The following LRBA variants were observed in gnomAD, a reference collection of about 807,000 sequenced individuals.
LRBA encodes the protein lipopolysaccharide-responsive and beige-like anchor protein.
In LRBA, 176 loss-of-function variants were observed where a neutral mutation model predicts 330.0. The ratio of observed to expected loss-of-function variants is 0.53; its 90% CI spans 0.47 to 0.60. The LOEUF is 0.60. Ranked by LOEUF, LRBA falls within the 20% of genes least tolerant of loss-of-function variation. The pLI, the probability that LRBA is intolerant of heterozygous loss-of-function variation, is 0.00. For missense variants in LRBA, 3,259 were observed against 3,444.8 expected, an observed-to-expected ratio of 0.95 and a Z score of 1.35; for synonymous variants, 1,230 against 1,193.0, an observed-to-expected ratio of 1.03 and a Z score of -0.64.
intron 40 of LRBA, chr4:150,579,156 A>G (rs1770895389): frequency 2.2e-6 from 1 of 450,658 alleles, no homozygotes; most frequent in African/African-American, 2.0e-5. Flanking sequence ...TCTCCTGCAG[A>G]AGGAGCTGCC....
chr4:150,551,284 C>G (rs1766555390), intron 40 of LRBA, among the ~76,000 whole-genome samples: 1 of 152,110 alleles, frequency 6.6e-6, no homozygotes, highest in Non-Finnish European at 1.5e-5. Flanking sequence ...TCTGTAATAG[C>G]AGCAGAGAAT....
At chr4:150,923,433 C>T (rs906625601) in intron 4 of LRBA, among the ~76,000 whole-genome samples, 2 of 152,270 alleles carry the variant, frequency 1.3e-5, no homozygotes, top group Admixed American at 6.5e-5. Flanking sequence ...CTTACCCAGC[C>T]TTTAGAGCTC....
In LRBA at chr4:150,694,462, C is replaced by CAAAAAAAAAAA. The variant is rs58558446; in HGVS notation, c.5755-10756_5755-10746dup. Among the ~76,000 whole-genome samples the CAAAAAAAAAAA allele has an allele frequency of 4.6e-4, 33 of 71,030 alleles. 6 individuals are homozygous for CAAAAAAAAAAA. In the East Asian group the frequency reaches 4.8e-3, roughly 10 times the overall value. The allele number at this position is 71,030 out of a possible 152,430, so 46.6% of individuals were successfully genotyped here. A position where few individuals can be genotyped will look rare whatever the true frequency, so the allele number is the denominator to read the frequency against. On this transcript the variant is annotated intron_variant, in intron 36 of 56. Transcript: ENST00000651943. ...CCTTACCTTAAAGTGTGATCTTTAA[C>CAAAAAAAAAAA]AAAAAAAAAAAAAAGCTATCTACAG...
At chr4:150,481,475 G>A (rs932808628) in intron 42 of LRBA, among the ~76,000 whole-genome samples, 1 of 151,964 alleles carries the variant, frequency 6.6e-6, no homozygotes, top group Admixed American at 6.6e-5. Flanking sequence ...AATTTGATGA[G>A]ATTTGAATAT....
intron 50 of LRBA, among the ~76,000 whole-genome samples, chr4:150,318,170 A>G (rs190197795): frequency 6.6e-6 from 1 of 152,156 alleles, no homozygotes; most frequent in East Asian, 1.9e-4. Context: ...TTAGAGCAGG[A>G]AAGTTGGGAC....
chr4:150,458,437 C>T (rs942481645), intron 44 of LRBA, among the ~76,000 whole-genome samples: 1 of 151,686 alleles, frequency 6.6e-6, no homozygotes, highest in African/African-American at 2.4e-5. Context: ...GTCAGTGTAC[C>T]CATGAAAAAT....
intron 2 of LRBA, among the ~76,000 whole-genome samples, chr4:150,964,925 T>A (rs72963628): frequency 0.058 from 8,878 of 152,220 alleles, 787 homozygotes; most frequent in African/African-American, 0.2. Flanking sequence ...AAGGGAAATG[T>A]AAATTTAAAT....
At chr4:150,921,945 C>G (rs542418622) in intron 4 of LRBA, among the ~76,000 whole-genome samples, 2 of 152,140 alleles carry the variant, frequency 1.3e-5, no homozygotes, top group African/African-American at 4.8e-5. Flanking sequence ...AGGCTGGTCT[C>G]GAACCAACCT....
intron 56 of LRBA, among the ~76,000 whole-genome samples, chr4:150,272,359 A>C (rs890294766): frequency 4.6e-5 from 7 of 152,168 alleles, no homozygotes; most frequent in Non-Finnish European, 7.4e-5. Context: ...TAAATCCACA[A>C]AAATGGGGAG....
In LRBA at chr4:150,325,909, C is replaced by T. The variant is rs1733190740; in HGVS notation, c.7363-11G>A. On this transcript the variant is annotated splice_polypyrimidine_tract_variant and intron_variant, in intron 48 of 56. Coordinates refer to ENST00000651943, the MANE Select transcript of LRBA (RefSeq NM_001364905.1). ...TTGAGCTTCAACAGCCTGAAAAGGG[C>T]AGGGGCAAGTCTGAAGGTTAAGAGG... 18 of 1,549,012 alleles carry T rather than the reference C, an allele frequency of 1.2e-5. No homozygotes were observed. The highest frequency in any genetic ancestry group is 1.5e-5 in the Non-Finnish European group (17 of 1,121,710).
chr4:150,266,414 TAAG>T (rs1314341825), intron 56 of LRBA, among the ~76,000 whole-genome samples: 1 of 152,216 alleles, frequency 6.6e-6, no homozygotes, highest in African/African-American at 2.4e-5. Context: ...TCACTGAAGA[TAAG>T]AACTTCTGCA....
chr4:150,873,410 G>C (rs1048858052), intron 17 of LRBA, among the ~76,000 whole-genome samples: 2 of 151,598 alleles, frequency 1.3e-5, no homozygotes, highest in African/African-American at 4.9e-5. Flanking sequence ...AGCCAACATG[G>C]TGAGACCCCA....
chr4:150,788,838 G>A (rs144336294), intron 34 of LRBA, among the ~76,000 whole-genome samples: 120 of 151,066 alleles, frequency 7.9e-4, no homozygotes, highest in African/African-American at 2.7e-3. Flanking sequence ...ACATTGGGAG[G>A]CTGAGGCCAG....
Position 150,900,205 on chromosome 4 carries a change from G to C in LRBA, c.1768C>G (p.Leu590Val). The part of the protein sequence containing the change: ...IHTPAKVQLM[L>V]YTYLSTEFIG... ...AATTCCGTGGACAGATAAGTATAGA[G>C]CATCAGTTGAACCTACAGAATAAAA... Residue 590 changes from leucine (L) to valine (V), a missense_variant, in exon 14 of 57, where the codon CTC (leucine) becomes GTC (valine). Physicochemically the swap from Leu to Val is conservative, Grantham distance 32. Transcript: ENST00000651943. 1 of 1,607,622 alleles carries C rather than the reference G, an allele frequency of 6.2e-7. No individual in the cohort carries two copies.
At chr4:150,975,489 G>A (rs548619400) in intron 2 of LRBA, among the ~76,000 whole-genome samples, 7 of 150,320 alleles carry the variant, frequency 4.7e-5, no homozygotes, top group African/African-American at 1.5e-4. Flanking sequence ...TCGCACCACT[G>A]CACTTCAGCC....
At chr4:150,858,467 A>G (rs1033257194) in intron 22 of LRBA, among the ~76,000 whole-genome samples, 1 of 152,142 alleles carries the variant, frequency 6.6e-6, no homozygotes, top group Non-Finnish European at 1.5e-5. Context: ...TTAAAGAATT[A>G]TTTAGCAATT....
At chr4:150,590,267 G>A (rs1207053329) in intron 39 of LRBA, among the ~76,000 whole-genome samples, 6 of 151,214 alleles carry the variant, frequency 4.0e-5, no homozygotes, top group African/African-American at 1.2e-4. Flanking sequence ...TGGCATTCTC[G>A]GAATTGATTT....
chr4:150,789,166 T>G lies in LRBA; in HGVS notation c.5580+8915A>C, dbSNP rs567467062. On this transcript the variant is annotated intron_variant, in intron 34 of 56. Transcript: ENST00000651943. ...AAACCCACCTAAGGCATCTTTTTCCTTCTTCCTGTTATGACCCATGACAGA... is the reference window on the plus strand; with the variant it reads ...AAACCCACCTAAGGCATCTTTTTCCGTCTTCCTGTTATGACCCATGACAGA... Among the ~76,000 whole-genome samples the G allele has an allele frequency of 1.6e-4, 24 of 152,292 alleles. No individual in the cohort carries two copies. In the South Asian group the frequency reaches 5.0e-3, roughly 32 times the overall value.
intron 42 of LRBA, among the ~76,000 whole-genome samples, chr4:150,479,727 T>A (rs1275194651): frequency 6.6e-6 from 1 of 152,174 alleles, no homozygotes; most frequent in Non-Finnish European, 1.5e-5. Flanking sequence ...AAGTAATTTT[T>A]AAAAATTGGG....
Sources: allele counts gnomAD v4.1 joint callset (sites outside exome capture counted in the v4.1 genomes callset), GRCh38; gene constraint gnomAD v4.1.1; transcripts MANE v1.5; gene names NCBI Gene and HGNC (gene_info 2026-07-23, HGNC 2026-07-21).